Variants in KCNG2 observed in about 807,000 individuals in gnomAD.
KCNG2 encodes the protein voltage-gated potassium channel regulatory subunit KCNG2.
In KCNG2, 7 loss-of-function variants were observed where a neutral mutation model predicts 12.3. The observed-to-expected ratio is 0.57, with a 90% CI of 0.32 to 1.07. KCNG2 has a LOEUF of 1.07. KCNG2 is among the 50% of genes least tolerant of loss of function. The pLI is 0.04. For missense variants in KCNG2, 703 were observed against 726.0 expected, an observed-to-expected ratio of 0.97 and a Z score of 0.36; for synonymous variants, 414 against 351.4, an observed-to-expected ratio of 1.18 and a Z score of -1.99.
In KCNG2 at chr18:79,884,503, A is replaced by G. The variant is rs1399346018; in HGVS notation, c.625-14537A>G. The stretch of plus-strand genomic sequence containing the variant: ...CCCGGCCACTGGGTCCCCGGGGGAG[A>G]GCCAGGCTGTGATGTCCCGATGCAG... On this transcript the variant is annotated intron_variant, in intron 3 of 3. Transcript: ENST00000316249. This position sits in a 1 kb window ranked among gnomAD's most constrained non-coding sequence, Gnocchi z 5.5. 6.6e-6 allele frequency among the ~76,000 whole-genome samples: 1 copy of G among 151,798 alleles called. No individual in the cohort carries two copies. Among genetic ancestry groups the G allele is most frequent in the Non-Finnish European group, 1.5e-5 (1 of 67,984 alleles).
intron 1 of KCNG2, among the ~76,000 whole-genome samples, chr18:79,819,649 G>T (rs1405501903): frequency 6.6e-6 from 1 of 152,262 alleles, no homozygotes; most frequent in East Asian, 1.9e-4. Flanking sequence ...CCAGCAGGCT[G>T]CAATAGAGGC....
In KCNG2 at chr18:79,899,085, G is replaced by T; in HGVS notation, c.670G>T (p.Val224Leu). 2 of 1,598,000 alleles carry T rather than the reference G, an allele frequency of 1.3e-6. No homozygotes were observed. Among genetic ancestry groups the T allele is most frequent in the Non-Finnish European group, 1.7e-6 (2 of 1,175,524 alleles). Residue 224 changes from valine (V) to leucine (L), a missense_variant, in exon 4 of 4, where the codon GTG becomes TTG. Transcript: ENST00000316249. Reference sequence around the variant, plus strand: ...CCGCAGCCTGTTCGTGCTGGAGACCGTGTGCGTGGCCTGGTTCTCCTTCGA... The same window carrying T: ...CCGCAGCCTGTTCGTGCTGGAGACCTTGTGCGTGGCCTGGTTCTCCTTCGA... ...KCRSLFVLET[V>L]CVAWFSFEFL...
intron 2 of KCNG2, among the ~76,000 whole-genome samples, chr18:79,858,349 C>G (rs1481352771): frequency 6.6e-6 from 1 of 152,236 alleles, no homozygotes; most frequent in African/African-American, 2.4e-5. Context: ...CCTTTTCTGC[C>G]TGGCTTCTTT....
chr18:79,864,285 G>A lies in KCNG2; in HGVS notation c.618G>A (p.Glu206=). ...CCATGCCGGACATCCGCGCCGAGGA[G>A]GAGCGGGTGAGCGCGGCCGGGGGTG... The part of the protein sequence containing the change: ...LSTMPDIRAE[E]ERGECSPKCR... Residue 206 remains glutamate, a synonymous_variant, in exon 3 of 4, where the codon GAG becomes GAA. Transcript: ENST00000316249. The A allele has an allele frequency of 6.5e-7, 1 of 1,536,804 alleles. No individual in the cohort carries two copies.
At chr18:79,871,228 CA>C (rs1286366778) in intron 3 of KCNG2, among the ~76,000 whole-genome samples, 1 of 152,252 alleles carries the variant, frequency 6.6e-6, no homozygotes, top group Non-Finnish European at 1.5e-5. Context: ...TATGAGCTGA[CA>C]AATCGCACCT....
Position 79,834,411 on chromosome 18 carries a change from C to T in KCNG2, c.-114-21968C>T, listed in dbSNP as rs1039425825. Among the ~76,000 whole-genome samples the T allele has an allele frequency of 3.3e-5, 5 of 152,284 alleles. No individual in the cohort carries two copies. In the South Asian group the frequency reaches 6.2e-4, roughly 19 times the overall value. On this transcript the variant is annotated intron_variant, in intron 1 of 3. Transcript: ENST00000316249. Reference sequence around the variant, plus strand: ...CTGACACACACCCATCCATCATTTCCGGTACAAGGCCTCAGGTCTCACCCA... The same window carrying T: ...CTGACACACACCCATCCATCATTTCTGGTACAAGGCCTCAGGTCTCACCCA...
At chr18:79,817,547 CAT>C (rs1451916769) in intron 1 of KCNG2, among the ~76,000 whole-genome samples, 1 of 152,234 alleles carries the variant, frequency 6.6e-6, no homozygotes, top group African/African-American at 2.4e-5. Flanking sequence ...ATGTGGTTGT[CAT>C]GTGGTTTGCA....
Position 79,800,574 on chromosome 18 carries a change from C to A in KCNG2, c.-115+2560C>A, listed in dbSNP as rs186396115. Among the ~76,000 whole-genome samples, 2 of 152,232 alleles carry A rather than the reference C, an allele frequency of 1.3e-5. No individual in the cohort carries two copies. The highest frequency in any genetic ancestry group is 4.8e-5 in the African/African-American group (2 of 41,460). ...GAGCCTGCCTCTGACGAGACATGTACCCCGCCTTCCCGTGTGGGAGGCACT... is the reference window on the plus strand; with the variant it reads ...GAGCCTGCCTCTGACGAGACATGTAACCCGCCTTCCCGTGTGGGAGGCACT... On this transcript the variant is annotated intron_variant, in intron 1 of 3. Transcript: ENST00000316249. This position sits in a 1 kb window ranked among gnomAD's most constrained non-coding sequence, Gnocchi z 4.0.
At chr18:79,867,598 G>C (rs375441590) in intron 3 of KCNG2, among the ~76,000 whole-genome samples, 2 of 149,976 alleles carry the variant, frequency 1.3e-5, no homozygotes, top group African/African-American at 4.9e-5. Context: ...TCGTGTCTGG[G>C]GGGGGACCGT....
At chr18:79,870,601 G>A (rs930605433) in intron 3 of KCNG2, among the ~76,000 whole-genome samples, 1 of 152,248 alleles carries the variant, frequency 6.6e-6, no homozygotes, top group Non-Finnish European at 1.5e-5. Context: ...CCCGCTGTTG[G>A]AGGTTTCTGG....
intron 1 of KCNG2, among the ~76,000 whole-genome samples, chr18:79,826,140 C>T (rs1978285558): frequency 6.6e-6 from 1 of 152,276 alleles, no homozygotes; most frequent in African/African-American, 2.4e-5. Context: ...GCCGGGAGCT[C>T]TGTGGCCGTT....
chr18:79,894,972 C>A (rs1262466446), intron 3 of KCNG2, among the ~76,000 whole-genome samples: 37 of 147,878 alleles, frequency 2.5e-4, no homozygotes, highest in Non-Finnish European at 4.9e-4. Flanking sequence ...GGGTCTCTGT[C>A]TGCTTTAGAT....
chr18:79,823,027 G>C, intron 1 of KCNG2, among the ~76,000 whole-genome samples: 1 of 152,210 alleles, frequency 6.6e-6, no homozygotes, highest in South Asian at 2.1e-4. Context: ...TGGGGAGACA[G>C]CCTTAGTTTC....
At chr18:79,847,369 C>T (rs956956547) in intron 1 of KCNG2, among the ~76,000 whole-genome samples, 1 of 152,160 alleles carries the variant, frequency 6.6e-6, no homozygotes, top group Non-Finnish European at 1.5e-5. Flanking sequence ...AGGAGCATCC[C>T]CAGTCAAGAC....
intron 3 of KCNG2, among the ~76,000 whole-genome samples, chr18:79,869,685 C>T (rs1422033604): frequency 6.6e-6 from 1 of 152,190 alleles, no homozygotes; most frequent in African/African-American, 2.4e-5. Context: ...GTGATTTGCT[C>T]AACTGTTTAT....
At chr18:79,867,453 TGG>T (rs10716602) in intron 3 of KCNG2, among the ~76,000 whole-genome samples, 10 of 102,624 alleles carry the variant, frequency 9.7e-5, no homozygotes, top group South Asian at 4.0e-4. Flanking sequence ...TGTCGTGTCT[TGG>T]GGGGGGGACC....
intron 1 of KCNG2, among the ~76,000 whole-genome samples, chr18:79,824,199 A>G (rs2087594745): frequency 6.6e-6 from 1 of 152,132 alleles, no homozygotes; most frequent in Admixed American, 6.5e-5. Context: ...GGGTTTCGCC[A>G]TTTTGCCCAA....
At chr18:79,894,547 G>A (rs1458346372) in intron 3 of KCNG2, among the ~76,000 whole-genome samples, 6 of 144,526 alleles carry the variant, frequency 4.2e-5, no homozygotes, top group African/African-American at 1.3e-4. Context: ...CATTCATAAC[G>A]ATTGATATAG....
chr18:79,833,622 C>T (rs903790820), intron 1 of KCNG2, among the ~76,000 whole-genome samples: 1 of 152,234 alleles, frequency 6.6e-6, no homozygotes, highest in African/African-American at 2.4e-5. Context: ...TTGGCTATGA[C>T]AGTTTCAAAG....
Sources: gnomAD v4.1 joint callset for allele counts (sites outside exome capture counted in the v4.1 genomes callset) on GRCh38, gnomAD v4.1.1 for gene constraint, Gnocchi (gnomAD v3.1) non-coding constraint, MANE v1.5 for transcripts, NCBI Gene and HGNC (gene_info 2026-07-23, HGNC 2026-07-21) for gene names.